ANXA11: variants seen among roughly 807,000 people sequenced by gnomAD.
The protein encoded by ANXA11 is 56 kDa autoantigen.
ANXA11 carries 57 observed loss-of-function variants against 64.7 expected under a neutral mutation model. That is an observed-to-expected ratio of 0.88 (90% CI 0.71 to 1.10). The LOEUF is 1.10. Ranked by LOEUF, ANXA11 falls within the 50% of genes least tolerant of loss-of-function variation. The pLI is 0.00. For missense variants in ANXA11, 675 were observed against 670.7 expected (o/e 1.01, Z -0.07); for synonymous variants, 260 against 265.2 (o/e 0.98, Z 0.19).
intron 1 of ANXA11, among the ~76,000 whole-genome samples, chr10:80,176,545 T>C (rs1350761723): frequency 1.3e-5 from 2 of 152,236 alleles, no homozygotes; most frequent in African/African-American, 4.8e-5. Context: ...TGCATGTATG[T>C]ATTGGCCATT....
chr10:80,184,287 G>C (rs11202031), intron 1 of ANXA11, among the ~76,000 whole-genome samples: 19,389 of 152,098 alleles, frequency 0.13, 1,360 homozygotes, highest in South Asian at 0.23. Flanking sequence ...TCCAAATAAA[G>C]CCATCATGAG....
At chr10:80,198,287 C>T (rs1840261661) in intron 1 of ANXA11, among the ~76,000 whole-genome samples, 1 of 152,230 alleles carries the variant, frequency 6.6e-6, no homozygotes, top group African/African-American at 2.4e-5. Flanking sequence ...TTCTGATTGT[C>T]CTCCTCAACC....
intron 4 of ANXA11, among the ~76,000 whole-genome samples, chr10:80,169,644 G>T (rs1478183709): frequency 6.6e-6 from 1 of 152,162 alleles, no homozygotes; most frequent in African/African-American, 2.4e-5. Flanking sequence ...CCACCTGGGT[G>T]AAGGTTAAGA....
intron 13 of ANXA11, among the ~76,000 whole-genome samples, chr10:80,158,261 C>T (rs1222694126): frequency 1.3e-5 from 2 of 152,122 alleles, no homozygotes; most frequent in Admixed American, 6.5e-5. Flanking sequence ...GCAACCACTG[C>T]GGTGAAAGGA....
At chr10:80,173,670 GC>G (rs1263536445) in intron 2 of ANXA11, among the ~76,000 whole-genome samples, 3 of 152,202 alleles carry the variant, frequency 2.0e-5, no homozygotes, top group Admixed American at 6.5e-5. Flanking sequence ...TGTGACACCA[GC>G]CACATTGTGC....
intron 7 of ANXA11, 177 bp from the exon 8 acceptor site, chr10:80,166,374 A>G: frequency 1.8e-6 from 1 of 564,608 alleles, no homozygotes; most frequent in Middle Eastern, 4.8e-4. Context: ...CCCAAATCAG[A>G]GACCACATTT....
intron 2 of ANXA11, among the ~76,000 whole-genome samples, chr10:80,174,161 C>T (rs1264566808): frequency 1.1e-4 from 16 of 152,016 alleles, no homozygotes; most frequent in Admixed American, 1.0e-3. Context: ...CTCAGGTAAT[C>T]CTCCCGCCTC....
chr10:80,164,012 T>G (rs1564604237), intron 9 of ANXA11, 41 bp downstream of exon 9: 10 of 1,548,820 alleles, frequency 6.5e-6, no homozygotes, highest in Admixed American at 1.7e-5. Context: ...CACAGGGATC[T>G]GCAGAGGGCA....
intron 11 of ANXA11, among the ~76,000 whole-genome samples, chr10:80,162,495 C>T (rs373168207): frequency 1.3e-5 from 2 of 152,244 alleles, no homozygotes; most frequent in South Asian, 2.1e-4. Flanking sequence ...CACAGAAGAC[C>T]GAGCCAGGAG....
At chr10:80,166,361 C>T in intron 7 of ANXA11, 164 bp from the exon 8 acceptor site, 1 of 571,354 alleles carries the variant, frequency 1.8e-6, no homozygotes. Context: ...CTGCCCCAAA[C>T]CTCCCAAATC....
intron 11 of ANXA11, among the ~76,000 whole-genome samples, 195 bp from the exon 12 acceptor site, chr10:80,162,223 A>T (rs1409943637): frequency 6.6e-6 from 1 of 152,074 alleles, no homozygotes; most frequent in African/African-American, 2.4e-5. Flanking sequence ...GAAAGCAGCA[A>T]TCAGGGGCTG....
At position 80,151,564 on chromosome 10, in the gene ANXA11, A is replaced by C. The variant is rs935432932; in HGVS notation, c.*4289T>G. On this transcript the variant is annotated 3_prime_UTR_variant, in exon 16 of 16. Coordinates refer to ENST00000422982, the MANE Select transcript of ANXA11 (RefSeq NM_145868.2). The stretch of plus-strand genomic sequence containing the variant: ...CAGCAGAAATAAGGAGCCAGGTCCT[A>C]AGGTAGGGCTGTAACTCCCTGCCAA... 6.6e-6 allele frequency: 1 copy of C among 152,220 alleles called. No individual in the cohort carries two copies. The highest frequency in any genetic ancestry group is 6.5e-5 in the Admixed American group (1 of 15,288). 9.4% of individuals were successfully genotyped at this position (152,220 alleles called of 1,614,324 possible).
chr10:80,161,457 T>C (rs1391510971), intron 12 of ANXA11, among the ~76,000 whole-genome samples: 3 of 152,158 alleles, frequency 2.0e-5, no homozygotes, highest in Admixed American at 2.0e-4. Flanking sequence ...ACTGTCTGTC[T>C]CCCCAAATGA....
chr10:80,166,708 A>C (rs1426956397), intron 7 of ANXA11, 182 bp downstream of exon 7: 1 of 604,626 alleles, frequency 1.7e-6, no homozygotes, highest in Non-Finnish European at 3.0e-6. Flanking sequence ...AAACCTCAGC[A>C]CCCGGTGGCA....
Position 80,169,062 on chromosome 10 carries a change from A to G in ANXA11, c.468T>C (p.Pro156=), listed in dbSNP as rs1316142740. Residue 156 remains proline, a synonymous_variant, in exon 5 of 16, where the codon CCT becomes CCC. Transcript: ENST00000422982. ...GCTGCTGCCCAGGGAGTGGCACTGGAGGCTGACCAGGGTAGGTCACTGGTG... is the reference window on the plus strand; with the variant it reads ...GCTGCTGCCCAGGGAGTGGCACTGGGGGCTGACCAGGGTAGGTCACTGGTG... ...GQPPVTYPGQ[P]PVPLPGQQQP... is the part of the protein sequence containing the mutation. 6.5e-7 allele frequency: 1 copy of G among 1,538,486 alleles called. No individual in the cohort carries two copies. Among genetic ancestry groups the G allele is most frequent in the Admixed American group, 2.2e-5 (1 of 45,740 alleles).
chr10:80,169,390 A>T, intron 4 of ANXA11, 32 bp from the exon 5 acceptor site: 1 of 1,599,170 alleles, frequency 6.3e-7, no homozygotes, highest in South Asian at 1.1e-5. Context: ...CCTGAGGCCA[A>T]TGGGCCCTGC....
chr10:80,179,191 C>T lies in ANXA11; in HGVS notation c.-57-3036G>A, dbSNP rs530717256. 3.3e-5 allele frequency among the ~76,000 whole-genome samples: 5 copies of T among 152,216 alleles called. No individual in the cohort carries two copies. In the East Asian group the frequency reaches 7.7e-4, roughly 24 times the overall value. ...GATCTGGTTGTTTAAAAGCGTGTAG[C>T]GCCTCCTCCCCACACCTCTCTTCCT... On this transcript the variant is annotated intron_variant, in intron 1 of 15. Transcript: ENST00000422982.
rs751886404 is a variant in ANXA11, at chr10:80,159,071, C to A, written c.1276+29G>T. 2.3e-5 allele frequency: 36 copies of A among 1,565,652 alleles called. 1 individual carries two copies. Among genetic ancestry groups the A allele is most frequent in the South Asian group, 2.0e-4 (18 of 90,096 alleles). On this transcript the variant is annotated intron_variant, in intron 13 of 15. Transcript: ENST00000422982. The stretch of plus-strand genomic sequence containing the variant: ...ACTCACGATACACGTTAGCCCCTGG[C>A]AGGTGGGCGGCAAACCTGAGACACT...
intron 1 of ANXA11, among the ~76,000 whole-genome samples, chr10:80,180,165 T>C (rs1333854986): frequency 6.6e-6 from 1 of 152,132 alleles, no homozygotes; most frequent in Non-Finnish European, 1.5e-5. Context: ...CTAGAAATGC[T>C]ACACTGGGAC....
Sources: allele counts gnomAD v4.1 joint callset (sites outside exome capture counted in the v4.1 genomes callset), GRCh38; gene constraint gnomAD v4.1.1; transcripts MANE v1.5; gene names NCBI Gene and HGNC (gene_info 2026-07-23, HGNC 2026-07-21).